The following RAB38 variants were observed in gnomAD, a reference collection of about 807,000 sequenced individuals.
RAB38 encodes RAB38, member RAS oncogene family.
A neutral mutation model predicts 18.4 loss-of-function variants in RAB38; 15 were observed. The ratio of observed to expected loss-of-function variants is 0.82; its 90% CI spans 0.55 to 1.26. RAB38 has a LOEUF of 1.26. Among genes scored for constraint, RAB38 ranks in the 50% most tolerant of loss-of-function variants. RAB38 has a pLI of 0.00. For synonymous variants in RAB38, 101 were observed against 104.4 expected, an observed-to-expected ratio of 0.97 and a Z score of 0.20; for missense variants, 294 against 267.4, an observed-to-expected ratio of 1.10 and a Z score of -0.69.
chr11:87,851,614 G>T, the RAB38 span, among the ~76,000 whole-genome samples: 1 of 152,134 alleles, frequency 6.6e-6, no homozygotes, highest in Non-Finnish European at 1.5e-5. Flanking sequence ...GAAAAGGTAA[G>T]AAAAACAGAT....
At chr11:88,086,202 T>C in the RAB38 span, among the ~76,000 whole-genome samples, 7 of 152,030 alleles carry the variant, frequency 4.6e-5, no homozygotes, top group African/African-American at 7.2e-5. Flanking sequence ...GAAATAATAA[T>C]AGTTAGGAAT....
chr11:88,035,675 A>G, the RAB38 span, among the ~76,000 whole-genome samples: 1 of 152,194 alleles, frequency 6.6e-6, no homozygotes, highest in Non-Finnish European at 1.5e-5. Flanking sequence ...TCTTTCTGCA[A>G]TTTTCTTTAC....
chr11:88,135,358 C>CA (rs1459265001), intron 2 of RAB38, among the ~76,000 whole-genome samples: 1 of 152,170 alleles, frequency 6.6e-6, no homozygotes, highest in Non-Finnish European at 1.5e-5. Context: ...ATTTTGTCCA[C>CA]TGGTATAGCC....
the RAB38 span, among the ~76,000 whole-genome samples, chr11:87,829,262 C>G: frequency 2.0e-5 from 3 of 152,158 alleles, no homozygotes; most frequent in Non-Finnish European, 4.4e-5. Flanking sequence ...TGGGATTAAT[C>G]GTACTCCAAA....
chr11:88,046,570 A>G, the RAB38 span, among the ~76,000 whole-genome samples: 2 of 152,084 alleles, frequency 1.3e-5, no homozygotes, highest in African/African-American at 4.8e-5. Flanking sequence ...GACAGCTCCC[A>G]TTACTTCAGT....
the RAB38 span, among the ~76,000 whole-genome samples, chr11:87,804,176 T>C: frequency 6.6e-6 from 1 of 152,252 alleles, no homozygotes; most frequent in African/African-American, 2.4e-5. Flanking sequence ...TTTATTTGTC[T>C]TCTTTAGGAA....
the RAB38 span, among the ~76,000 whole-genome samples, chr11:87,853,273 G>A: frequency 1.3e-5 from 2 of 152,194 alleles, no homozygotes; most frequent in African/African-American, 2.4e-5. Context: ...ATTATGGTAT[G>A]TAGAGGTGGA....
chr11:87,948,347 A>G, the RAB38 span, among the ~76,000 whole-genome samples: 3 of 152,140 alleles, frequency 2.0e-5, no homozygotes, highest in Admixed American at 2.0e-4. Context: ...GCAAACAGGG[A>G]CAATTTGACT....
At chr11:88,155,047 T>A (rs1943108686) in intron 1 of RAB38, among the ~76,000 whole-genome samples, 1 of 152,194 alleles carries the variant, frequency 6.6e-6, no homozygotes, top group Non-Finnish European at 1.5e-5. Flanking sequence ...TATAGGCGGC[T>A]ACTCTTCCCA....
the RAB38 span, among the ~76,000 whole-genome samples, chr11:87,943,273 A>G: frequency 6.6e-6 from 1 of 152,170 alleles, no homozygotes; most frequent in South Asian, 2.1e-4. Flanking sequence ...TGAAGCAAAG[A>G]CAAATAGATA....
chr11:88,055,247 T>C, the RAB38 span, among the ~76,000 whole-genome samples: 1 of 152,196 alleles, frequency 6.6e-6, no homozygotes, highest in Non-Finnish European at 1.5e-5. Flanking sequence ...GATGCCCATC[T>C]CTTTAAAAAG....
chr11:87,899,973 C>T, the RAB38 span, among the ~76,000 whole-genome samples: 6 of 151,356 alleles, frequency 4.0e-5, no homozygotes, highest in East Asian at 1.2e-3. Context: ...TTTTTTTCCC[C>T]ATAGTCATTC....
At chr11:88,119,290 A>G (rs752726628) in intron 2 of RAB38, among the ~76,000 whole-genome samples, 8 of 152,176 alleles carry the variant, frequency 5.3e-5, no homozygotes, top group East Asian at 1.9e-4. Flanking sequence ...TGCCTCACAC[A>G]ATATTCCCAT....
chr11:87,877,702 C>T, the RAB38 span, among the ~76,000 whole-genome samples: 1 of 151,576 alleles, frequency 6.6e-6, no homozygotes, highest in African/African-American at 2.4e-5. Flanking sequence ...CACTAGCCCT[C>T]CTAGCTATTG....
chr11:87,897,528 G>T, the RAB38 span, among the ~76,000 whole-genome samples: 1 of 151,510 alleles, frequency 6.6e-6, no homozygotes, highest in African/African-American at 2.4e-5. Context: ...TCGTAGATTT[G>T]TTGTTGTTCT....
the RAB38 span, among the ~76,000 whole-genome samples, chr11:87,844,571 C>T: frequency 6.6e-6 from 1 of 152,176 alleles, no homozygotes; most frequent in Non-Finnish European, 1.5e-5. Context: ...ATACTACTAA[C>T]CACTATGTTC....
chr11:87,886,032 C>T, the RAB38 span, among the ~76,000 whole-genome samples: 1 of 151,850 alleles, frequency 6.6e-6, no homozygotes, highest in African/African-American at 2.4e-5. Context: ...TCTAGCACTC[C>T]CATTATCTCA....
chr11:87,959,957 T>C, the RAB38 span, among the ~76,000 whole-genome samples: 2 of 152,194 alleles, frequency 1.3e-5, no homozygotes, highest in Non-Finnish European at 1.5e-5. Context: ...CACTGTTTTT[T>C]GGGTTTCTTC....
the RAB38 span, among the ~76,000 whole-genome samples, chr11:88,017,026 A>G: frequency 6.6e-6 from 1 of 152,050 alleles, no homozygotes; most frequent in Non-Finnish European, 1.5e-5. Flanking sequence ...AGGTGCCCCT[A>G]GGGTTTCTTA....
Sources: allele counts gnomAD v4.1 joint callset (sites outside exome capture counted in the v4.1 genomes callset), GRCh38; gene constraint gnomAD v4.1.1; transcripts MANE v1.5; gene names NCBI Gene and HGNC (gene_info 2026-07-23, HGNC 2026-07-21).